The following PHIP variants were observed in gnomAD, a reference collection of about 807,000 sequenced individuals.
The protein encoded by PHIP is PHIP subunit of CUL4-Ring ligase complex, also known as PH-interacting protein.
PHIP carries 54 observed loss-of-function variants against 236.8 expected under a neutral mutation model. The ratio of observed to expected loss-of-function variants is 0.23; its 90% confidence interval spans 0.18 to 0.29. PHIP has a LOEUF of 0.29. Ranked by LOEUF, PHIP falls within the 10% of genes least tolerant of loss-of-function variation. PHIP has a pLI of 1.00. For synonymous variants in PHIP, 756 were observed against 718.9 expected, an observed-to-expected ratio of 1.05 and a Z score of -0.83; for missense variants, 1,370 against 2,190.8, an observed-to-expected ratio of 0.63 and a Z score of 7.48.
chr6:78,953,877 C>A (rs1353199586), intron 35 of PHIP, among the ~76,000 whole-genome samples: 4 of 151,994 alleles, frequency 2.6e-5, no homozygotes, highest in Non-Finnish European at 5.9e-5. Flanking sequence ...TAAGACACCA[C>A]GCCCGACCCC....
chr6:79,044,384 G>C (rs1332402802), intron 6 of PHIP, among the ~76,000 whole-genome samples: 1 of 152,138 alleles, frequency 6.6e-6, no homozygotes, highest in Non-Finnish European at 1.5e-5. Context: ...GACTCAATAA[G>C]TTTCAATCAT....
chr6:79,074,151 A>G (rs1774028500), intron 4 of PHIP, among the ~76,000 whole-genome samples: 1 of 152,138 alleles, frequency 6.6e-6, no homozygotes, highest in South Asian at 2.1e-4. Context: ...CAAACAAACA[A>G]AAAAGATTTC....
Position 78,945,362 on chromosome 6 carries a change from ATT to A in PHIP, c.4764_4765del (p.Lys1588AsnfsTer20). On this transcript the variant is annotated frameshift_variant, in exon 39 of 40. Coordinates refer to ENST00000275034, the MANE Select transcript of PHIP (RefSeq NM_017934.7). LOFTEE classifies it high-confidence loss of function. ...CGCCTTTGGGAGTACAGATGACTTC[ATT>A]TTACGTTTGACTGGCTTTTCCTTTT... 6.2e-7 allele frequency: 1 copy of A among 1,613,800 alleles called. No individual in the cohort carries two copies. Among genetic ancestry groups the A allele is most frequent in the Non-Finnish European group, 8.5e-7 (1 of 1,179,778 alleles).
chr6:78,964,883 T>A (rs1400992131), intron 29 of PHIP, among the ~76,000 whole-genome samples: 1 of 152,228 alleles, frequency 6.6e-6, no homozygotes, highest in East Asian at 1.9e-4. Context: ...ATAATCATTA[T>A]TAAAATCTCG....
In PHIP at chr6:78,935,432, CCTT is replaced by C. The variant is rs531227704; in HGVS notation, c.*5258_*5260del. 2.7e-5 allele frequency: 24 copies of C among 877,486 alleles called. No individual in the cohort carries two copies. In the East Asian group the frequency reaches 1.8e-3, roughly 66 times the overall value. 54.4% of individuals were successfully genotyped at this position (877,486 alleles called of 1,614,324 possible). A position where few individuals can be genotyped will look rare whatever the true frequency, so the allele number is the denominator to read the frequency against. ...AAAATTTCTAGGAAAACTGCAATAACCTTCTTTCCATCATTCCTTTTTTCCCAG... is the reference window on the plus strand; with the variant it reads ...AAAATTTCTAGGAAAACTGCAATAACCTTTCCATCATTCCTTTTTTCCCAG... On this transcript the variant is annotated 3_prime_UTR_variant, in exon 40 of 40. Transcript: ENST00000275034.
At chr6:78,976,150 C>T (rs1258870717) in intron 24 of PHIP, among the ~76,000 whole-genome samples, 1 of 150,022 alleles carries the variant, frequency 6.7e-6, no homozygotes, top group Admixed American at 6.6e-5. Flanking sequence ...GTAACCAAAA[C>T]AGCATGGTAC....
chr6:79,056,703 A>T (rs1253262991), intron 6 of PHIP, among the ~76,000 whole-genome samples: 1 of 152,110 alleles, frequency 6.6e-6, no homozygotes, highest in African/African-American at 2.4e-5. Flanking sequence ...AAAATGTCTC[A>T]ACAGTGCCAA....
At chr6:79,000,215 A>G (rs531816153) in intron 17 of PHIP, among the ~76,000 whole-genome samples, 3 of 152,108 alleles carry the variant, frequency 2.0e-5, no homozygotes, top group Non-Finnish European at 4.4e-5. Flanking sequence ...AAAGATTTTT[A>G]CTCTGAATTC....
chr6:78,973,206 G>C (rs997545366), intron 24 of PHIP, among the ~76,000 whole-genome samples: 9 of 152,088 alleles, frequency 5.9e-5, no homozygotes, highest in Admixed American at 2.0e-4. Flanking sequence ...AGCCAGAAGA[G>C]AGTGGGGGCC....
chr6:79,078,117 G>A lies in PHIP; in HGVS notation c.-49C>T. On this transcript the variant is annotated 5_prime_UTR_variant, in exon 1 of 40. Transcript: ENST00000275034. ...CCGACGGGACACCCCGCCGCCGAGG[G>A]GAAGCGGGGACGGTGCCGCCGCCTG... The A allele has an allele frequency of 6.3e-7, 1 of 1,597,692 alleles. No homozygotes were observed. Among genetic ancestry groups the A allele is most frequent in the Non-Finnish European group, 8.5e-7 (1 of 1,170,818 alleles).
intron 15 of PHIP, 119 bp downstream of exon 15, chr6:79,014,963 A>T (rs1388475580): frequency 1.4e-6 from 1 of 696,522 alleles, no homozygotes; most frequent in East Asian, 2.7e-5. Flanking sequence ...ATTGATGGGA[A>T]TTTAAAGTCA....
chr6:79,020,267 A>G (rs1771049971), intron 9 of PHIP, among the ~76,000 whole-genome samples: 1 of 152,138 alleles, frequency 6.6e-6, no homozygotes, highest in African/African-American at 2.4e-5. Flanking sequence ...TATCTTTTTT[A>G]CTGATACAGA....
At chr6:78,968,882 AT>A (rs992570017) in intron 27 of PHIP, among the ~76,000 whole-genome samples, 1 of 152,082 alleles carries the variant, frequency 6.6e-6, no homozygotes, top group African/African-American at 2.4e-5. Flanking sequence ...ATGTGTTCCA[AT>A]TTTTTCCCCC....
intron 31 of PHIP, among the ~76,000 whole-genome samples, chr6:78,961,132 T>C (rs1766750514): frequency 6.6e-6 from 1 of 152,100 alleles, no homozygotes; most frequent in African/African-American, 2.4e-5. Context: ...ATTACCTAGA[T>C]AATGCAAATT....
intron 27 of PHIP, among the ~76,000 whole-genome samples, chr6:78,968,086 G>A (rs977625421): frequency 2.6e-5 from 4 of 152,166 alleles, no homozygotes; most frequent in Non-Finnish European, 5.9e-5. Context: ...AGTGAGCCAA[G>A]ATCACGGCAC....
In PHIP at chr6:79,042,975, A is replaced by G. The variant is rs769937157; in HGVS notation, c.468T>C (p.Asn156=). ...CAAGTCGCTCAAGTCTGTATTTCCC[A>G]TTCAGCTTCCTTGAAAACAGAGTAT... ...IADTLFSRKL[N]GKYRLERLVP... Residue 156 remains asparagine (N), a synonymous_variant, in exon 7 of 40, where the codon AAT becomes AAC. Transcript: ENST00000275034. The G allele has an allele frequency of 1.5e-5, 24 of 1,609,646 alleles. No individual in the cohort carries two copies. The highest frequency in any genetic ancestry group is 2.0e-5 in the Non-Finnish European group (24 of 1,178,300).
intron 38 of PHIP, 25 bp downstream of exon 38, chr6:78,945,976 T>C (rs1391420198): frequency 3.9e-6 from 6 of 1,549,026 alleles, no homozygotes; most frequent in Non-Finnish European, 4.5e-6. Context: ...ATCATATACA[T>C]TTCAATTTAG....
intron 27 of PHIP, among the ~76,000 whole-genome samples, chr6:78,967,159 A>C (rs1010931706): frequency 2.6e-5 from 4 of 152,216 alleles, no homozygotes; most frequent in African/African-American, 9.6e-5. Context: ...GCATGAAATG[A>C]ATTAAAAATT....
In PHIP at chr6:79,017,526, C is replaced by A. The variant is rs774770158; in HGVS notation, c.1052G>T (p.Gly351Val). Reference sequence around the variant, plus strand: ...TGATATTTTCTCTGGCTGACCTGATCCAAAAAAATAAACCCGAATAATATG... The same window carrying A: ...TGATATTTTCTCTGGCTGACCTGATACAAAAAAATAAACCCGAATAATATG... ...TDHIIRVYFF[G>V]SGQPEKISEL... The change falls in exon 11 of 40, where the codon GGA becomes GTA. Residue 351 changes from glycine (G) to valine (V), a missense_variant. Gly to Val is a moderately radical substitution (Grantham distance 109). Coordinates refer to ENST00000275034, the MANE Select transcript of PHIP (RefSeq NM_017934.7). 6.2e-7 allele frequency: 1 copy of A among 1,612,038 alleles called. No individual in the cohort carries two copies. Among genetic ancestry groups the A allele is most frequent in the South Asian group, 1.1e-5 (1 of 91,002 alleles).
Sources: allele counts gnomAD v4.1 joint callset (sites outside exome capture counted in the v4.1 genomes callset), GRCh38; gene constraint gnomAD v4.1.1; transcripts MANE v1.5; gene names NCBI Gene and HGNC (gene_info 2026-07-23, HGNC 2026-07-21).